Variants in KCNH8 observed in about 807,000 individuals in gnomAD.
KCNH8 encodes potassium voltage-gated channel subfamily H member 8, also known as voltage-gated delayed rectifier potassium channel KCNH8.
KCNH8 carries 70 observed loss-of-function variants against 103.6 expected under a neutral mutation model. The ratio of observed to expected loss-of-function variants is 0.68; its 90% CI spans 0.56 to 0.82. The LOEUF (loss-of-function observed/expected upper bound fraction) is 0.82, where lower values mean the gene tolerates loss of function less well. Ranked by LOEUF, KCNH8 falls within the 40% of genes least tolerant of loss-of-function variation. The pLI is 0.00. For missense variants in KCNH8, 1,217 were observed against 1,329.9 expected (o/e 0.92, Z 1.32); for synonymous variants, 498 against 489.4 (o/e 1.02, Z -0.23).
At chr3:19,267,012 C>G (rs978589062) in intron 2 of KCNH8, among the ~76,000 whole-genome samples, 6 of 151,888 alleles carry the variant, frequency 4.0e-5, no homozygotes, top group Non-Finnish European at 8.8e-5. Context: ...GGGAAGTGAC[C>G]GGGTTGTTCT....
intron 7 of KCNH8, among the ~76,000 whole-genome samples, chr3:19,434,035 A>G (rs1219959025): frequency 6.6e-6 from 1 of 152,212 alleles, no homozygotes; most frequent in Non-Finnish European, 1.5e-5. Context: ...GCTTGATAAC[A>G]TAAGATATCA....
Position 19,263,060 on chromosome 3 carries a change from C to G in KCNH8, c.310+9173C>G, listed in dbSNP as rs891204376. Reference sequence around the variant, plus strand: ...GCATTAGGCTTATATAAATGGTAGCCTTGGCAGCAACTGAAAGCATCCAAG... The same window carrying G: ...GCATTAGGCTTATATAAATGGTAGCGTTGGCAGCAACTGAAAGCATCCAAG... On this transcript the variant is annotated intron_variant, in intron 2 of 15. Transcript: ENST00000328405. 5.3e-5 allele frequency among the ~76,000 whole-genome samples: 8 copies of G among 152,070 alleles called. 1 individual carries two copies. The highest frequency in any genetic ancestry group is 6.8e-3 in the Middle Eastern group (2 of 294).
At chr3:19,243,418 AT>A (rs1463599658) in intron 1 of KCNH8, among the ~76,000 whole-genome samples, 1 of 152,176 alleles carries the variant, frequency 6.6e-6, no homozygotes, top group Non-Finnish European at 1.5e-5. Context: ...TGACCATCAA[AT>A]TAGTTTAGTC....
chr3:19,343,144 A>C (rs1025119360), intron 4 of KCNH8, among the ~76,000 whole-genome samples: 1 of 152,102 alleles, frequency 6.6e-6, no homozygotes, highest in African/African-American at 2.4e-5. Context: ...GAGGAACATG[A>C]CCAAATCAAA....
At chr3:19,350,819 C>T (rs1361490376) in intron 5 of KCNH8, among the ~76,000 whole-genome samples, 1 of 152,100 alleles carries the variant, frequency 6.6e-6, no homozygotes, top group Non-Finnish European at 1.5e-5. Flanking sequence ...ATCAGAGCAC[C>T]TCTTCTCCTC....
chr3:19,275,920 T>A (rs906065657), intron 2 of KCNH8, among the ~76,000 whole-genome samples: 1 of 152,084 alleles, frequency 6.6e-6, no homozygotes, highest in Non-Finnish European at 1.5e-5. Flanking sequence ...TTGTTGGCAG[T>A]AGCATGGGAG....
intron 4 of KCNH8, among the ~76,000 whole-genome samples, chr3:19,345,631 T>C (rs1426130062): frequency 6.6e-6 from 1 of 150,950 alleles, no homozygotes; most frequent in East Asian, 2.0e-4. Context: ...TTGTGTACCA[T>C]TTTTTTTTAC....
chr3:19,368,854 T>A lies in KCNH8; in HGVS notation c.811+20889T>A, dbSNP rs2119804. On this transcript the variant is annotated intron_variant, in intron 5 of 15. Coordinates refer to ENST00000328405, the MANE Select transcript of KCNH8 (RefSeq NM_144633.3). ...AAAAATGTGAGATGCTGTCTAATTT[T>A]AAAAATTTATTTTACTTTATAGCCA... Among the ~76,000 whole-genome samples the A allele has an allele frequency of 9.3e-3, 1,415 of 152,156 alleles. 84 individuals are homozygous for A. The highest frequency in any genetic ancestry group is 0.086 in the Admixed American group (1,313 of 15,238).
At chr3:19,436,675 G>T (rs1344929630) in intron 7 of KCNH8, among the ~76,000 whole-genome samples, 1 of 152,146 alleles carries the variant, frequency 6.6e-6, no homozygotes, top group East Asian at 1.9e-4. Flanking sequence ...ACAAAATTAG[G>T]TCAGTTGTTT....
At chr3:19,261,329 T>G (rs911350973) in intron 2 of KCNH8, among the ~76,000 whole-genome samples, 2 of 151,944 alleles carry the variant, frequency 1.3e-5, no homozygotes, top group Non-Finnish European at 2.9e-5. Context: ...TAGTTTTAAT[T>G]TGCATTTCCC....
At chr3:19,464,827 C>T (rs949265082) in intron 11 of KCNH8, among the ~76,000 whole-genome samples, 10 of 152,064 alleles carry the variant, frequency 6.6e-5, no homozygotes, top group Non-Finnish European at 1.3e-4. Flanking sequence ...CACCTCTTCC[C>T]TCCTCAGTCT....
At chr3:19,523,812 C>T (rs2069014556) in intron 15 of KCNH8, among the ~76,000 whole-genome samples, 2 of 151,856 alleles carry the variant, frequency 1.3e-5, no homozygotes, top group African/African-American at 4.8e-5. Flanking sequence ...TTTTGTTTCT[C>T]ATTTAATTTT....
intron 1 of KCNH8, among the ~76,000 whole-genome samples, chr3:19,169,255 C>CTTTTTTTTTTTTTTTTT (rs768036667): frequency 6.4e-5 from 8 of 124,964 alleles, no homozygotes; most frequent in Non-Finnish European, 8.3e-5. Context: ...TTCTTTCTTT[C>CTTTTTTTTTTTTTTTTT]TTTTTTTTTT....
chr3:19,258,933 CTCTCTCTCTCTCTCTATATATA>C (rs1192088697), intron 2 of KCNH8, among the ~76,000 whole-genome samples: 23 of 83,538 alleles, frequency 2.8e-4, no homozygotes, highest in African/African-American at 9.3e-4. Flanking sequence ...CTCTCTCTCT[CTCTCTCTCTCTCTCTATATATA>C]TATATATATA....
intron 1 of KCNH8, among the ~76,000 whole-genome samples, chr3:19,207,867 A>G (rs984512574): frequency 2.0e-5 from 3 of 151,972 alleles, no homozygotes; most frequent in African/African-American, 4.8e-5. Flanking sequence ...TGGATATTCA[A>G]CTCATCACCA....
intron 5 of KCNH8, among the ~76,000 whole-genome samples, chr3:19,349,908 A>C (rs140253604): frequency 2.0e-4 from 30 of 152,182 alleles, no homozygotes; most frequent in African/African-American, 6.7e-4. Context: ...GCTACATGCA[A>C]AGGAATGAAA....
chr3:19,304,212 C>G (rs1244042731), intron 3 of KCNH8, among the ~76,000 whole-genome samples: 1 of 152,118 alleles, frequency 6.6e-6, no homozygotes, highest in Non-Finnish European at 1.5e-5. Flanking sequence ...AATATACTGA[C>G]ATCAGACCTT....
intron 11 of KCNH8, among the ~76,000 whole-genome samples, chr3:19,474,400 T>C (rs1300459849): frequency 1.3e-5 from 2 of 152,130 alleles, no homozygotes; most frequent in African/African-American, 2.4e-5. Flanking sequence ...TTGCTCACCA[T>C]TTAAACCCAG....
chr3:19,178,144 T>A (rs1241580989), intron 1 of KCNH8, among the ~76,000 whole-genome samples: 1 of 152,106 alleles, frequency 6.6e-6, no homozygotes, highest in Non-Finnish European at 1.5e-5. Flanking sequence ...CTGCACTGGA[T>A]TGTTAATAAG....
Sources: gnomAD v4.1 joint callset for allele counts (sites outside exome capture counted in the v4.1 genomes callset) on GRCh38, gnomAD v4.1.1 for gene constraint, MANE v1.5 for transcripts, NCBI Gene and HGNC (gene_info 2026-07-23, HGNC 2026-07-21) for gene names.